The following RASGRF2 variants were observed in gnomAD, a reference collection of about 807,000 sequenced individuals.
The protein encoded by RASGRF2 is ras-specific guanine nucleotide-releasing factor 2.
In RASGRF2, 76 loss-of-function variants were observed where a neutral mutation model predicts 151.0. That is an observed-to-expected ratio of 0.50 (90% CI 0.42 to 0.61). RASGRF2 has a LOEUF of 0.61. RASGRF2 is among the 20% of genes least tolerant of loss of function. The probability of loss-of-function intolerance (pLI) is 0.00; values close to 1 mark genes in which losing one functional copy is unlikely to be tolerated. For synonymous variants in RASGRF2, 504 were observed against 566.5 expected, an observed-to-expected ratio of 0.89 and a Z score of 1.57; for missense variants, 1,148 against 1,564.6, an observed-to-expected ratio of 0.73 and a Z score of 4.49.
chr5:80,998,157 G>A (rs1748956267), intron 1 of RASGRF2: 1 of 152,088 alleles, frequency 6.6e-6, no homozygotes, highest in Non-Finnish European at 1.5e-5. Flanking sequence ...TCCAGAAGCG[G>A]AAATGCCTGG....
chr5:81,144,760 A>G (rs1428391411), intron 17 of RASGRF2, among the ~76,000 whole-genome samples: 1 of 152,216 alleles, frequency 6.6e-6, no homozygotes, highest in Admixed American at 6.5e-5. Context: ...AGTTAATATT[A>G]CTATACTCAG....
chr5:80,995,395 TATATAC>T (rs746702790), intron 1 of RASGRF2, among the ~76,000 whole-genome samples: 81 of 53,588 alleles, frequency 1.5e-3, no homozygotes, highest in South Asian at 0.013. Flanking sequence ...TATATATATA[TATATAC>T]ACACACACAC....
chr5:81,011,065 TACTC>T (rs938788277), intron 1 of RASGRF2, among the ~76,000 whole-genome samples: 2 of 152,156 alleles, frequency 1.3e-5, no homozygotes, highest in African/African-American at 4.8e-5. Context: ...GTATGTGGTA[TACTC>T]ATTATGGCTA....
intron 18 of RASGRF2, among the ~76,000 whole-genome samples, chr5:81,193,471 C>T (rs960092859): frequency 1.6e-4 from 25 of 152,178 alleles, no homozygotes; most frequent in Non-Finnish European, 4.4e-5. Context: ...TTCCCTTCCC[C>T]AAGCCAGCAG....
intron 7 of RASGRF2, among the ~76,000 whole-genome samples, chr5:81,084,134 C>T (rs76559270): frequency 0.011 from 1,624 of 152,254 alleles, 29 homozygotes; most frequent in African/African-American, 0.037. Flanking sequence ...CCAGCGAGCA[C>T]TTTAAAAGAA....
At chr5:80,972,476 T>C (rs1426928797) in intron 1 of RASGRF2, among the ~76,000 whole-genome samples, 1 of 147,854 alleles carries the variant, frequency 6.8e-6, no homozygotes, top group African/African-American at 2.5e-5. Context: ...AATCATTTGA[T>C]TGGTCTCTGT....
At chr5:81,176,348 A>G (rs1160182389) in intron 17 of RASGRF2, among the ~76,000 whole-genome samples, 2 of 152,218 alleles carry the variant, frequency 1.3e-5, no homozygotes, top group Admixed American at 6.5e-5. Flanking sequence ...CATTTTCTGG[A>G]AAAGAAAATA....
chr5:81,044,519 G>A (rs564463170), intron 2 of RASGRF2, among the ~76,000 whole-genome samples: 168 of 152,048 alleles, frequency 1.1e-3, no homozygotes, highest in African/African-American at 3.9e-3. Context: ...CCCTTCCCTC[G>A]TCTCACCTCT....
intron 1 of RASGRF2, among the ~76,000 whole-genome samples, chr5:80,990,094 A>T (rs1409241714): frequency 2.6e-5 from 4 of 152,202 alleles, no homozygotes; most frequent in African/African-American, 9.7e-5. Context: ...TGCTGGGGAC[A>T]AGCGGGAGCT....
At chr5:81,004,437 G>A (rs539665150) in intron 1 of RASGRF2, among the ~76,000 whole-genome samples, 26 of 152,304 alleles carry the variant, frequency 1.7e-4, no homozygotes, top group Non-Finnish European at 3.5e-4. Flanking sequence ...TGAGTTCACG[G>A]ACTTCGTGGG....
At chr5:80,994,702 G>A (rs1748776540) in intron 1 of RASGRF2, among the ~76,000 whole-genome samples, 1 of 152,186 alleles carries the variant, frequency 6.6e-6, no homozygotes, top group Non-Finnish European at 1.5e-5. Context: ...TGATGTGAGA[G>A]CTTGAAACAA....
intron 1 of RASGRF2, among the ~76,000 whole-genome samples, chr5:80,991,159 G>T (rs1384204941): frequency 6.6e-6 from 1 of 152,116 alleles, no homozygotes; most frequent in East Asian, 1.9e-4. Flanking sequence ...ATGCAAACTT[G>T]GGGCCAGGTG....
At chr5:80,970,318 CTGAT>C (rs1561531792) in intron 1 of RASGRF2, among the ~76,000 whole-genome samples, 8 of 152,114 alleles carry the variant, frequency 5.3e-5, no homozygotes, top group African/African-American at 1.9e-4. Flanking sequence ...TGTCCTATGA[CTGAT>C]TGTTTTAGGC....
At chr5:81,207,122 C>A in intron 20 of RASGRF2, 124 bp from the exon 21 acceptor site, 1 of 893,748 alleles carries the variant, frequency 1.1e-6, no homozygotes, top group South Asian at 1.7e-5. Flanking sequence ...CCATTTTTTT[C>A]ATAGTTAGAA....
intron 19 of RASGRF2, among the ~76,000 whole-genome samples, chr5:81,204,802 T>C (rs1755470098): frequency 6.6e-6 from 1 of 152,174 alleles, no homozygotes; most frequent in African/African-American, 2.4e-5. Flanking sequence ...AGGCATAAAA[T>C]GTTAGGTAAC....
chr5:81,090,239 A>G (rs1429513538), intron 9 of RASGRF2, among the ~76,000 whole-genome samples: 1 of 152,158 alleles, frequency 6.6e-6, no homozygotes, highest in African/African-American at 2.4e-5. Flanking sequence ...CTTTTTCATT[A>G]CTCAGTAGAA....
chr5:81,201,974 A>G (rs1002776254), intron 19 of RASGRF2, among the ~76,000 whole-genome samples: 3 of 145,778 alleles, frequency 2.1e-5, no homozygotes, highest in Non-Finnish European at 3.1e-5. Flanking sequence ...TGGTATGACT[A>G]TGGGGGATTG....
At chr5:81,100,098 G>A (rs1257958397) in intron 12 of RASGRF2, among the ~76,000 whole-genome samples, 1 of 151,800 alleles carries the variant, frequency 6.6e-6, no homozygotes, top group Non-Finnish European at 1.5e-5. Context: ...TAGTAGAGAC[G>A]AGGTTTCACC....
At position 81,218,990 on chromosome 5, in the gene RASGRF2, A is replaced by C. The variant is rs551698597; in HGVS notation, c.3553-720A>C. 1.0e-3 allele frequency among the ~76,000 whole-genome samples: 158 copies of C among 152,226 alleles called. 1 individual carries two copies. The highest frequency in any genetic ancestry group is 5.4e-3 in the South Asian group (26 of 4,824). ...TTGGCAAAGCCATTTCAGCATCCCC[A>C]AGGAGATGGGGAATCCAAGGATGGC... On this transcript the variant is annotated intron_variant, in intron 25 of 26. Transcript: ENST00000265080.
Sources: gnomAD v4.1 joint callset for allele counts (sites outside exome capture counted in the v4.1 genomes callset) on GRCh38, gnomAD v4.1.1 for gene constraint, MANE v1.5 for transcripts, NCBI Gene and HGNC (gene_info 2026-07-23, HGNC 2026-07-21) for gene names.